The following ABCB1 variants were observed in gnomAD, a reference collection of about 807,000 sequenced individuals.
The protein encoded by ABCB1 is ATP binding cassette subfamily B member 1, also known as ATP-dependent translocase ABCB1.
A neutral mutation model predicts 142.0 loss-of-function variants in ABCB1; 69 were observed. That is an observed-to-expected ratio of 0.49 (90% CI 0.40 to 0.59). The LOEUF (loss-of-function observed/expected upper bound fraction) is 0.59. Among genes scored for constraint, ABCB1 ranks in the 20% least tolerant of loss-of-function variants. The pLI, the probability that ABCB1 is intolerant of heterozygous loss-of-function variation, is 0.00. For synonymous variants in ABCB1, 532 were observed against 539.2 expected, an observed-to-expected ratio of 0.99 and a Z score of 0.18; for missense variants, 1,326 against 1,554.7, an observed-to-expected ratio of 0.85 and a Z score of 2.47.
chr7:87,620,555 C>G (rs1294845060), intron 1 of ABCB1, among the ~76,000 whole-genome samples: 9 of 152,080 alleles, frequency 5.9e-5, no homozygotes, highest in East Asian at 5.8e-4. Context: ...AAAATTACTT[C>G]GTGGAATTGG....
At position 87,539,306 on chromosome 7, in the gene ABCB1, G is replaced by A. The variant is rs200903110; in HGVS notation, c.2359C>T (p.Arg787Trp). ...GATCGGAAAACCATGTATCGGAGCC[G>A]CTTGGTGAGGATCTCTCCAGCTTTG... ...FGKAGEILTK[R>W]LRYMVFRSML... is the part of the protein sequence containing the mutation. Residue 787 changes from arginine to tryptophan, a missense_variant, in exon 19 of 28, where the codon CGG becomes TGG. Arg to Trp is a moderately radical substitution (Grantham distance 101). Transcript: ENST00000622132. 3 of 1,614,152 alleles carry A rather than the reference G, an allele frequency of 1.9e-6. No homozygotes were observed. The highest frequency in any genetic ancestry group is 2.2e-5 in the East Asian group (1 of 44,884).
intron 1 of ABCB1, among the ~76,000 whole-genome samples, chr7:87,679,988 C>T (rs1826764070): frequency 6.6e-6 from 1 of 150,462 alleles, no homozygotes; most frequent in Admixed American, 6.6e-5. Context: ...CAACCTGTCA[C>T]CTACATTAGG....
At chr7:87,696,101 A>G (rs1828471176) in intron 1 of ABCB1, among the ~76,000 whole-genome samples, 1 of 152,148 alleles carries the variant, frequency 6.6e-6, no homozygotes, top group Non-Finnish European at 1.5e-5. Flanking sequence ...AACATTGGGA[A>G]AATGTTAACT....
chr7:87,622,849 A>G (rs569651068), intron 1 of ABCB1, among the ~76,000 whole-genome samples: 38 of 152,030 alleles, frequency 2.5e-4, no homozygotes, highest in Non-Finnish European at 5.3e-4. Context: ...TGGGCAACAT[A>G]GTGAGACCTT....
intron 3 of ABCB1, among the ~76,000 whole-genome samples, chr7:87,588,647 T>C (rs1818861666): frequency 6.6e-6 from 1 of 152,216 alleles, no homozygotes; most frequent in Admixed American, 6.5e-5. Flanking sequence ...GAACATACAA[T>C]GCATGTGTCT....
chr7:87,560,391 T>C (rs1817509436), intron 8 of ABCB1, among the ~76,000 whole-genome samples: 1 of 152,162 alleles, frequency 6.6e-6, no homozygotes, highest in African/African-American at 2.4e-5. Context: ...AATTATGCAA[T>C]GAATACTCAT....
At chr7:87,662,659 T>C (rs907457108) in intron 1 of ABCB1, among the ~76,000 whole-genome samples, 2 of 152,178 alleles carry the variant, frequency 1.3e-5, no homozygotes, top group African/African-American at 2.4e-5. Flanking sequence ...ACAATAGCCC[T>C]GTAGTATACT....
intron 1 of ABCB1, chr7:87,659,173 C>A: frequency 2.4e-6 from 1 of 415,804 alleles, no homozygotes; most frequent in East Asian, 8.3e-5. Flanking sequence ...AAACAAACAA[C>A]AACAACAAAA....
intron 1 of ABCB1, among the ~76,000 whole-genome samples, chr7:87,704,439 A>G (rs1829415130): frequency 6.6e-6 from 1 of 152,232 alleles, no homozygotes; most frequent in African/African-American, 2.4e-5. Context: ...GGGAGGATAT[A>G]TTTATAAAAC....
intron 19 of ABCB1, among the ~76,000 whole-genome samples, chr7:87,537,992 C>T (rs1816371913): frequency 6.6e-6 from 1 of 152,156 alleles, no homozygotes; most frequent in African/African-American, 2.4e-5. Context: ...TTTCAATATT[C>T]TTAAGTGGTT....
At chr7:87,605,261 G>A (rs1366672884), upstream of ABCB1, among the ~76,000 whole-genome samples, 1 of 152,174 alleles carries the variant, frequency 6.6e-6, no homozygotes, top group Non-Finnish European at 1.5e-5. Context: ...AGCCTCCTGA[G>A]TAGCTGGGAT....
chr7:87,600,521 C>T (rs1167186684), intron 1 of ABCB1, among the ~76,000 whole-genome samples: 1 of 152,202 alleles, frequency 6.6e-6, no homozygotes, highest in Non-Finnish European at 1.5e-5. Context: ...CCCCGCACCG[C>T]GCGGGCTGTG....
chr7:87,583,909 T>C (rs1291270117), intron 4 of ABCB1, among the ~76,000 whole-genome samples: 1 of 152,188 alleles, frequency 6.6e-6, no homozygotes, highest in Non-Finnish European at 1.5e-5. Flanking sequence ...TATTTGATTC[T>C]TCCACTATGA....
At chr7:87,561,165 A>G in intron 8 of ABCB1, 98 bp downstream of exon 8, 2 of 1,408,316 alleles carry the variant, frequency 1.4e-6, no homozygotes, top group Non-Finnish European at 2.0e-6. Context: ...GAAAACATAT[A>G]TATGGGAGAA....
At chr7:87,659,403 C>T (rs1316708790) in intron 1 of ABCB1, among the ~76,000 whole-genome samples, 1 of 151,794 alleles carries the variant, frequency 6.6e-6, no homozygotes, top group African/African-American at 2.4e-5. Context: ...TCAGTGGTTG[C>T]AGTATTATAT....
chr7:87,669,127 C>A (rs1438812833), intron 1 of ABCB1, among the ~76,000 whole-genome samples: 1 of 152,044 alleles, frequency 6.6e-6, no homozygotes, highest in African/African-American at 2.4e-5. Context: ...CTTTGTAGGT[C>A]TCTAAGAACT....
chr7:87,703,147 T>C (rs1829243854), intron 1 of ABCB1, among the ~76,000 whole-genome samples: 1 of 152,202 alleles, frequency 6.6e-6, no homozygotes, highest in Non-Finnish European at 1.5e-5. Flanking sequence ...ATTTCACGAT[T>C]ATAGAATTAT....
rs190041295 is a variant in ABCB1 at position 87,526,556 on chromosome 7, C to T, written c.2685+4738G>A. ...AAAAAAAAAAGATTCTTATAACCCC[C>T]TCATCTAAAGGCTGAATTAGAGACA... On this transcript the variant is annotated intron_variant, in intron 21 of 27. Coordinates refer to ENST00000622132, the MANE Select transcript of ABCB1 (RefSeq NM_001348946.2). 2.1e-3 allele frequency among the ~76,000 whole-genome samples: 324 copies of T among 151,978 alleles called. 3 individuals carry two copies. The highest frequency in any genetic ancestry group is 7.6e-3 in the African/African-American group (314 of 41,442).
intron 20 of ABCB1, 78 bp from the exon 21 acceptor site, chr7:87,531,575 C>T (rs371197671): frequency 3.9e-6 from 5 of 1,267,120 alleles, no homozygotes; most frequent in East Asian, 2.5e-5. Flanking sequence ...GAAAACTCAC[C>T]TTCATGAGAC....
Sources: allele counts gnomAD v4.1 joint callset (sites outside exome capture counted in the v4.1 genomes callset), GRCh38; gene constraint gnomAD v4.1.1; transcripts MANE v1.5; gene names NCBI Gene and HGNC (gene_info 2026-07-23, HGNC 2026-07-21).